CSMD1: variants seen among roughly 807,000 people sequenced by gnomAD.
CSMD1 encodes CUB and sushi domain-containing protein 1.
Under a neutral mutation model 417.5 loss-of-function variants are expected in CSMD1, and 213 were observed. The observed-to-expected ratio is 0.51, with a 90% CI of 0.46 to 0.57. The LOEUF (loss-of-function observed/expected upper bound fraction) is 0.57, where lower values mean the gene tolerates loss of function less well. Among genes scored for constraint, CSMD1 ranks in the 20% least tolerant of loss-of-function variants. The pLI is 0.00. For missense variants in CSMD1, 6,923 were observed against 4,529.7 expected (o/e 1.53, Z -15.17); for synonymous variants, 2,862 against 1,736.8 (o/e 1.65, Z -16.11).
chr8:3,324,278 G>GC (rs1337062478), intron 23 of CSMD1, among the ~76,000 whole-genome samples: 4 of 110,398 alleles, frequency 3.6e-5, no homozygotes, highest in Admixed American at 9.1e-5. Flanking sequence ...GTTAAAATAG[G>GC]CCACACCTAA....
chr8:4,325,793 C>G (rs948888625), intron 3 of CSMD1, among the ~76,000 whole-genome samples: 1 of 151,960 alleles, frequency 6.6e-6, no homozygotes, highest in African/African-American at 2.4e-5. Context: ...AATGCTGGCC[C>G]ATTTAAAATG....
intron 5 of CSMD1, among the ~76,000 whole-genome samples, chr8:3,891,290 T>C (rs1453116290): frequency 5.3e-5 from 8 of 152,132 alleles, no homozygotes; most frequent in Admixed American, 3.3e-4. Flanking sequence ...GCTCAAGTGA[T>C]CTACCTGCCT....
chr8:4,436,117 C>T (rs1352044231), intron 2 of CSMD1, among the ~76,000 whole-genome samples: 1 of 152,076 alleles, frequency 6.6e-6, no homozygotes, highest in Non-Finnish European at 1.5e-5. Flanking sequence ...TAAATATATT[C>T]TTCATTTCAG....
intron 3 of CSMD1, among the ~76,000 whole-genome samples, chr8:4,254,798 A>G (rs2128834421): frequency 6.6e-6 from 1 of 152,290 alleles, no homozygotes; most frequent in South Asian, 2.1e-4. Flanking sequence ...TAACAAGGTG[A>G]CAGGCTGCAC....
chr8:3,282,431 A>G (rs931823880), intron 26 of CSMD1, among the ~76,000 whole-genome samples: 2 of 152,222 alleles, frequency 1.3e-5, no homozygotes, highest in African/African-American at 4.8e-5. Context: ...GAGGAAAATG[A>G]ACATAATCTC....
intron 3 of CSMD1, among the ~76,000 whole-genome samples, chr8:4,032,878 G>A (rs1585171292): frequency 2.0e-5 from 3 of 152,082 alleles, no homozygotes; most frequent in Admixed American, 6.5e-5. Flanking sequence ...AACTAGGTCA[G>A]GCCGTGGTGG....
At chr8:3,480,370 A>G (rs577782930) in intron 11 of CSMD1, among the ~76,000 whole-genome samples, 6 of 152,206 alleles carry the variant, frequency 3.9e-5, no homozygotes, top group Non-Finnish European at 7.3e-5. Context: ...TGTCTCAAAA[A>G]TAAAAAATTA....
At chr8:3,590,922 A>ATATATAAT (rs1800817783) in intron 8 of CSMD1, among the ~76,000 whole-genome samples, 1 of 152,222 alleles carries the variant, frequency 6.6e-6, no homozygotes, top group African/African-American at 2.4e-5. Context: ...ATAATAAACT[A>ATATATAAT]AGTTTTCACT....
At chr8:3,599,264 T>C (rs1801244435) in intron 8 of CSMD1, among the ~76,000 whole-genome samples, 1 of 151,968 alleles carries the variant, frequency 6.6e-6, no homozygotes, top group Non-Finnish European at 1.5e-5. Context: ...AATGAATGTA[T>C]CCACCTCCTC....
rs564032368 is a variant in CSMD1 at position 3,819,480 on chromosome 8, A to C, written c.819-65438T>G. Reference sequence around the variant, plus strand: ...AACTTCACCTTCAATCGTCGGTGGCACTGCTCTTTCTATTCTCCAAGAATG... The same window carrying C: ...AACTTCACCTTCAATCGTCGGTGGCCCTGCTCTTTCTATTCTCCAAGAATG... On this transcript the variant is annotated intron_variant, in intron 5 of 69. Coordinates refer to ENST00000635120, the MANE Select transcript of CSMD1 (RefSeq NM_033225.6). Among the ~76,000 whole-genome samples the C allele has an allele frequency of 2.0e-5, 3 of 151,972 alleles. No homozygotes were observed. In the East Asian group the frequency reaches 5.8e-4, roughly 30 times the overall value.
chr8:4,060,532 G>C (rs960305736), intron 3 of CSMD1, among the ~76,000 whole-genome samples: 1 of 152,192 alleles, frequency 6.6e-6, no homozygotes, highest in Non-Finnish European at 1.5e-5. Flanking sequence ...TGTCGGAGAA[G>C]GAGTGTGGCC....
intron 27 of CSMD1, among the ~76,000 whole-genome samples, chr8:3,224,974 T>A (rs1585708481): frequency 6.6e-6 from 1 of 152,220 alleles, no homozygotes; most frequent in Non-Finnish European, 1.5e-5. Context: ...TGACTACAAT[T>A]AAATCATAGT....
intron 5 of CSMD1, among the ~76,000 whole-genome samples, chr8:3,842,065 A>G (rs1247177067): frequency 6.6e-6 from 1 of 152,202 alleles, no homozygotes; most frequent in Non-Finnish European, 1.5e-5. Context: ...CTGATAGTTA[A>G]TAAAACACAC....
intron 3 of CSMD1, among the ~76,000 whole-genome samples, chr8:4,212,596 G>C (rs1482666526): frequency 6.6e-6 from 1 of 151,882 alleles, no homozygotes; most frequent in Non-Finnish European, 1.5e-5. Context: ...TTGTCAGTAG[G>C]TGGTAGTTAT....
chr8:4,178,495 G>C (rs1356058937), intron 3 of CSMD1, among the ~76,000 whole-genome samples: 1 of 151,078 alleles, frequency 6.6e-6, no homozygotes, highest in African/African-American at 2.4e-5. Context: ...GCAAAAACTG[G>C]AAGCATTCCC....
chr8:4,732,344 CGTGTGTGTGT>C (rs750818272), intron 1 of CSMD1, among the ~76,000 whole-genome samples: 2 of 141,052 alleles, frequency 1.4e-5, no homozygotes, highest in Non-Finnish European at 3.1e-5. Flanking sequence ...ATTTCTTCTG[CGTGTGTGTGT>C]GTGTGTGTGT....
At chr8:3,321,869 G>C (rs1232736250) in intron 23 of CSMD1, among the ~76,000 whole-genome samples, 1 of 152,136 alleles carries the variant, frequency 6.6e-6, no homozygotes, top group Non-Finnish European at 1.5e-5. Context: ...AAATTTGGGA[G>C]GATTTAAAAA....
chr8:3,741,073 G>A (rs1316028724), intron 6 of CSMD1, among the ~76,000 whole-genome samples: 1 of 152,066 alleles, frequency 6.6e-6, no homozygotes, highest in African/African-American at 2.4e-5. Context: ...AAATTAGCCA[G>A]GTGTGGTGAT....
chr8:4,884,766 CG>C (rs1048981356), intron 1 of CSMD1, among the ~76,000 whole-genome samples: 1 of 152,016 alleles, frequency 6.6e-6, no homozygotes, highest in African/African-American at 2.4e-5. Flanking sequence ...TGTCTTATTG[CG>C]GTAGCTTTGG....
Sources: gnomAD v4.1 joint callset for allele counts (sites outside exome capture counted in the v4.1 genomes callset) on GRCh38, gnomAD v4.1.1 for gene constraint, MANE v1.5 for transcripts, NCBI Gene and HGNC (gene_info 2026-07-23, HGNC 2026-07-21) for gene names.